RBFOX1: variants seen among roughly 807,000 people sequenced by gnomAD.
RBFOX1 encodes RNA binding fox-1 homolog 1, also known as RNA binding protein fox-1 homolog 1.
Under a neutral mutation model 57.7 loss-of-function variants are expected in RBFOX1, and 8 were observed. That is an observed-to-expected ratio of 0.14 (90% CI 0.08 to 0.25). RBFOX1 has a LOEUF of 0.25. Among genes scored for constraint, RBFOX1 ranks in the 10% least tolerant of loss-of-function variants. The pLI is 1.00. For synonymous variants in RBFOX1, 326 were observed against 222.4 expected (o/e 1.47, Z -4.15); for missense variants, 611 against 548.5 (o/e 1.11, Z -1.14).
intron 2 of RBFOX1, among the ~76,000 whole-genome samples, chr16:5,498,276 G>C (rs2043070349): frequency 6.6e-6 from 1 of 152,134 alleles, no homozygotes; most frequent in African/African-American, 2.4e-5. Flanking sequence ...TCAACGAACT[G>C]GGATTACAAG....
intron 4 of RBFOX1, among the ~76,000 whole-genome samples, chr16:7,499,911 T>G (rs1192385783): frequency 1.3e-5 from 2 of 152,070 alleles, no homozygotes; most frequent in Non-Finnish European, 2.9e-5. Context: ...AAAAAAACAT[T>G]GTTCACTGCT....
intron 3 of RBFOX1, among the ~76,000 whole-genome samples, chr16:6,758,514 A>G (rs117979644): frequency 2.2e-4 from 33 of 152,208 alleles, no homozygotes; most frequent in Non-Finnish European, 3.7e-4. Context: ...CCAGCCTAGA[A>G]TACATTAGAG....
intron 1 of RBFOX1, among the ~76,000 whole-genome samples, chr16:6,171,778 T>A (rs2096962346): frequency 6.6e-6 from 1 of 151,938 alleles, no homozygotes; most frequent in South Asian, 2.1e-4. Flanking sequence ...AACCAAAGGG[T>A]CTGGGTGACT....
intron 4 of RBFOX1, among the ~76,000 whole-genome samples, chr16:7,432,686 C>G (rs113135240): frequency 6.6e-6 from 1 of 152,174 alleles, no homozygotes; most frequent in Non-Finnish European, 1.5e-5. Context: ...TTTACCAAAA[C>G]AGATGGTTGG....
intron 3 of RBFOX1, among the ~76,000 whole-genome samples, chr16:6,907,696 G>C (rs191230267): frequency 6.6e-6 from 1 of 152,184 alleles, no homozygotes; most frequent in Admixed American, 6.5e-5. Flanking sequence ...TCAGCCTCCT[G>C]AGTAGCTGGG....
chr16:6,727,525 G>C (rs1263385171), intron 3 of RBFOX1, among the ~76,000 whole-genome samples: 2 of 152,006 alleles, frequency 1.3e-5, no homozygotes, highest in African/African-American at 4.8e-5. Context: ...TTATTAGCGT[G>C]AGCCAGGAGT....
At chr16:7,094,515 A>T (rs1484992976) in intron 4 of RBFOX1, among the ~76,000 whole-genome samples, 2 of 152,148 alleles carry the variant, frequency 1.3e-5, no homozygotes, top group South Asian at 2.1e-4. Context: ...CTTTCTTTGC[A>T]TTCCTATGTC....
At position 6,251,373 on chromosome 16, in the gene RBFOX1, G is replaced by C. The variant is rs113649914; in HGVS notation, c.-126-65622G>C. Among the ~76,000 whole-genome samples the C allele has an allele frequency of 6.4e-3, 977 of 152,220 alleles. 20 individuals are homozygous for C. Among genetic ancestry groups the C allele is most frequent in the African/African-American group, 0.022 (902 of 41,548 alleles). On this transcript the variant is annotated intron_variant, in intron 1 of 15. Coordinates refer to ENST00000550418, the MANE Select transcript of RBFOX1 (RefSeq NM_018723.4). The stretch of plus-strand genomic sequence containing the variant: ...CTCCTGTTACAGGAAGTTCAGAGGG[G>C]TTAAGTCACCTGCCCAAAGTCACAC...
At chr16:6,057,821 A>G (rs1387887668) in intron 1 of RBFOX1, among the ~76,000 whole-genome samples, 5 of 92,674 alleles carry the variant, frequency 5.4e-5, no homozygotes, top group Non-Finnish European at 4.1e-5. Flanking sequence ...AGGGTTTGCT[A>G]TGGGTTTTTT....
chr16:5,504,181 C>A (rs1054967616), intron 2 of RBFOX1, among the ~76,000 whole-genome samples: 2 of 152,342 alleles, frequency 1.3e-5, no homozygotes, highest in Middle Eastern at 3.4e-3. Context: ...CGATTTGAGG[C>A]TCTGCCAAGA....
chr16:6,061,286 G>C (rs1261971457), intron 1 of RBFOX1, among the ~76,000 whole-genome samples: 1 of 152,126 alleles, frequency 6.6e-6, no homozygotes, highest in African/African-American at 2.4e-5. Context: ...AAATAACTAA[G>C]CTATAATAAG....
intron 4 of RBFOX1, among the ~76,000 whole-genome samples, chr16:5,960,881 G>C (rs550520078): frequency 1.4e-4 from 22 of 152,212 alleles, no homozygotes; most frequent in African/African-American, 4.8e-4. Flanking sequence ...TTGATAGGCT[G>C]TTGACAGAGT....
At chr16:6,853,754 G>T (rs1469470943) in intron 3 of RBFOX1, among the ~76,000 whole-genome samples, 1 of 152,140 alleles carries the variant, frequency 6.6e-6, no homozygotes, top group Non-Finnish European at 1.5e-5. Flanking sequence ...GCCTCACTGT[G>T]CGTGGAGAGG....
intron 3 of RBFOX1, among the ~76,000 whole-genome samples, chr16:7,019,791 C>G (rs761283485): frequency 3.9e-5 from 6 of 152,136 alleles, no homozygotes; most frequent in Non-Finnish European, 8.8e-5. Context: ...AGGAAATACC[C>G]ACGCCCCAAT....
intron 3 of RBFOX1, among the ~76,000 whole-genome samples, chr16:5,671,600 T>C (rs148410474): frequency 6.6e-6 from 1 of 152,318 alleles, no homozygotes; most frequent in Admixed American, 6.5e-5. Flanking sequence ...GTGGTAATTA[T>C]AATAGACTGT....
At chr16:6,590,417 T>G (rs562464047) in intron 2 of RBFOX1, among the ~76,000 whole-genome samples, 3 of 152,286 alleles carry the variant, frequency 2.0e-5, no homozygotes, top group African/African-American at 7.2e-5. Flanking sequence ...CTAATTTTTT[T>G]TGTGTGTGTA....
At chr16:7,571,603 G>T (rs3785245) in intron 5 of RBFOX1, among the ~76,000 whole-genome samples, 146,174 of 152,216 alleles carry the variant, frequency 0.96, 70,460 homozygotes, top group African/African-American at 0.99. Flanking sequence ...GGGAGTTTGT[G>T]TATTAAGAAA....
intron 3 of RBFOX1, among the ~76,000 whole-genome samples, chr16:5,629,559 T>G (rs1011891969): frequency 1.3e-5 from 2 of 152,228 alleles, no homozygotes; most frequent in African/African-American, 4.8e-5. Flanking sequence ...AATGTCAGAA[T>G]AATACCTGAG....
chr16:7,252,349 C>A (rs1307852929), intron 4 of RBFOX1, among the ~76,000 whole-genome samples: 1 of 152,234 alleles, frequency 6.6e-6, no homozygotes, highest in Admixed American at 6.5e-5. Context: ...ACATTCACCA[C>A]TCTGTGCTTG....
Sources: allele counts gnomAD v4.1 joint callset (sites outside exome capture counted in the v4.1 genomes callset), GRCh38; gene constraint gnomAD v4.1.1; transcripts MANE v1.5; gene names NCBI Gene and HGNC (gene_info 2026-07-23, HGNC 2026-07-21).